Variants in PAG1 observed in about 807,000 individuals in gnomAD.
PAG1 encodes phosphoprotein associated with glycosphingolipid-enriched microdomains 1.
Under a neutral mutation model 31.7 loss-of-function variants are expected in PAG1, and 23 were observed. The ratio of observed to expected loss-of-function variants is 0.73; its 90% CI spans 0.52 to 1.03. The LOEUF (loss-of-function observed/expected upper bound fraction) is 1.03. Among genes scored for constraint, PAG1 ranks in the 50% least tolerant of loss-of-function variants. The pLI, the probability that PAG1 is intolerant of heterozygous loss-of-function variation, is 0.00. For missense variants in PAG1, 473 were observed against 540.7 expected (o/e 0.87, Z 1.24); for synonymous variants, 214 against 210.3 (o/e 1.02, Z -0.15).
chr8:81,004,100 G>A (rs1807833710), intron 3 of PAG1, among the ~76,000 whole-genome samples: 1 of 152,150 alleles, frequency 6.6e-6, no homozygotes, highest in Non-Finnish European at 1.5e-5. Context: ...TTCAAATTTA[G>A]AGTAGCCTTT....
At chr8:81,068,332 A>G (rs928847207) in intron 2 of PAG1, among the ~76,000 whole-genome samples, 3 of 152,232 alleles carry the variant, frequency 2.0e-5, no homozygotes, top group East Asian at 1.9e-4. Flanking sequence ...AAAACATCAT[A>G]AAGTCGCTAC....
intron 2 of PAG1, among the ~76,000 whole-genome samples, chr8:81,065,855 TATC>T (rs1160658270): frequency 6.7e-6 from 1 of 149,902 alleles, no homozygotes; most frequent in African/African-American, 2.5e-5. Context: ...ATCATATATA[TATC>T]ATATGTCATA....
At position 80,970,574 on chromosome 8, in the gene PAG1, T is replaced by C. The variant is rs1348565631; in HGVS notation, c.*5970A>G. ...TGAGGAGACTCAGGCCAGATACAGA[T>C]CACTGTGGGGAACACTAAGCTTACT... On this transcript the variant is annotated 3_prime_UTR_variant, in exon 9 of 9. Coordinates refer to ENST00000220597, the MANE Select transcript of PAG1 (RefSeq NM_018440.4). 6.5e-6 allele frequency: 1 copy of C among 152,678 alleles called. No individual in the cohort carries two copies. 9.5% of individuals were successfully genotyped at this position (152,678 alleles called of 1,614,324 possible). A position where few individuals can be genotyped will look rare whatever the true frequency, so the allele number is the denominator to read the frequency against.
chr8:81,025,677 G>T (rs34622409), intron 3 of PAG1, among the ~76,000 whole-genome samples: 8 of 152,102 alleles, frequency 5.3e-5, no homozygotes, highest in Admixed American at 2.6e-4. Context: ...CATGCTGCTC[G>T]GGCGTTCCTC....
At chr8:81,001,064 C>A (rs1194992597) in intron 3 of PAG1, among the ~76,000 whole-genome samples, 1 of 152,228 alleles carries the variant, frequency 6.6e-6, no homozygotes, top group Admixed American at 6.5e-5. Context: ...TTTCATCTGA[C>A]AAATCTAAGC....
At chr8:81,094,103 G>T (rs1809489865) in intron 1 of PAG1, among the ~76,000 whole-genome samples, 1 of 152,140 alleles carries the variant, frequency 6.6e-6, no homozygotes. Flanking sequence ...TGGAGCAGGG[G>T]GCCACCATAG....
chr8:81,040,154 T>C (rs972276007), intron 2 of PAG1, among the ~76,000 whole-genome samples: 2 of 152,208 alleles, frequency 1.3e-5, no homozygotes, highest in African/African-American at 2.4e-5. Flanking sequence ...TCTATGTACA[T>C]TTTTTCAGCC....
chr8:81,034,711 C>A (rs1808434145), intron 2 of PAG1, among the ~76,000 whole-genome samples: 1 of 152,166 alleles, frequency 6.6e-6, no homozygotes, highest in Admixed American at 6.5e-5. Flanking sequence ...TAGGGCCATG[C>A]AGAGCAAGTC....
intron 1 of PAG1, among the ~76,000 whole-genome samples, chr8:81,102,793 C>G (rs1809629977): frequency 1.3e-5 from 2 of 152,156 alleles, no homozygotes; most frequent in African/African-American, 4.8e-5. Flanking sequence ...TTACCGAAGA[C>G]AAATGCTTTA....
chr8:81,028,529 A>G (rs545601293), intron 3 of PAG1, among the ~76,000 whole-genome samples: 7 of 152,236 alleles, frequency 4.6e-5, no homozygotes, highest in Non-Finnish European at 1.0e-4. Flanking sequence ...TTGTTACTAC[A>G]GTACTTGGAT....
intron 3 of PAG1, among the ~76,000 whole-genome samples, chr8:80,999,039 G>C (rs931252961): frequency 5.3e-5 from 8 of 152,150 alleles, no homozygotes; most frequent in Non-Finnish European, 1.0e-4. Context: ...TGGGTTCCCT[G>C]GTCCTGTGAG....
At chr8:81,093,127 T>A (rs551800509) in intron 1 of PAG1, among the ~76,000 whole-genome samples, 1 of 152,328 alleles carries the variant, frequency 6.6e-6, no homozygotes, top group East Asian at 1.9e-4. Flanking sequence ...GCTGACAGCA[T>A]ACAGCCTTCT....
At chr8:80,984,131 G>A (rs1480051412) in intron 7 of PAG1, among the ~76,000 whole-genome samples, 1 of 152,170 alleles carries the variant, frequency 6.6e-6, no homozygotes, top group African/African-American at 2.4e-5. Flanking sequence ...AAATCCCAAA[G>A]AGATTTTAAC....
In PAG1 at chr8:80,973,996, C is replaced by T. The variant is rs576194276; in HGVS notation, c.*2548G>A. On this transcript the variant is annotated 3_prime_UTR_variant, in exon 9 of 9. Transcript: ENST00000220597. ...AAAGTACACTGAAAATACTTTATAT[C>T]ACAGCTTATTCTAACCACTGGTTCT... 93 of 152,246 alleles carry T rather than the reference C, an allele frequency of 6.1e-4. 1 individual carries two copies. The highest frequency in any genetic ancestry group is 2.1e-3 in the African/African-American group (87 of 41,520). 9.4% of individuals were successfully genotyped at this position (152,246 alleles called of 1,614,324 possible).
chr8:81,060,318 C>T (rs1047498434), intron 2 of PAG1, among the ~76,000 whole-genome samples: 13 of 152,140 alleles, frequency 8.5e-5, no homozygotes, highest in African/African-American at 2.9e-4. Context: ...TTAATTAGTA[C>T]ACCTAACTTT....
At chr8:81,047,023 T>G (rs1808653068) in intron 2 of PAG1, among the ~76,000 whole-genome samples, 1 of 152,198 alleles carries the variant, frequency 6.6e-6, no homozygotes, top group South Asian at 2.1e-4. Flanking sequence ...AAGACATGTT[T>G]TCATTCATTT....
At chr8:81,038,210 A>C (rs1055786277) in intron 2 of PAG1, among the ~76,000 whole-genome samples, 4 of 152,226 alleles carry the variant, frequency 2.6e-5, no homozygotes, top group Non-Finnish European at 5.9e-5. Context: ...TTTCCCCAGG[A>C]AGCCGAGAAA....
At position 80,976,902 on chromosome 8, in the gene PAG1, G is replaced by C. The variant is rs184005407; in HGVS notation, c.941C>G (p.Ser314Ter). The C allele has an allele frequency of 6.3e-7, 1 of 1,591,376 alleles. No individual in the cohort carries two copies. The highest frequency in any genetic ancestry group is 1.4e-5 in the African/African-American group (1 of 73,772). The change falls in exon 9 of 9, where the codon TCA becomes TGA. Residue 314 changes from serine (S) to a stop codon, truncating the protein, a stop_gained. Transcript: ENST00000220597. LOFTEE classifies it low-confidence loss of function (END_TRUNC). Reference sequence around the variant, plus strand: ...TTTATTTACTGATGAGTACATAGCTGAGATCTAGGAGACAAAGGGAGAGTT... The same window carrying C: ...TTTATTTACTGATGAGTACATAGCTCAGATCTAGGAGACAAAGGGAGAGTT... ...EDPTLTEEEI[S>*]AMYSSVNKPG...
chr8:81,050,437 G>A (rs936770682), intron 2 of PAG1, among the ~76,000 whole-genome samples: 1 of 152,076 alleles, frequency 6.6e-6, no homozygotes, highest in South Asian at 2.1e-4. Flanking sequence ...TGAGTTTTAC[G>A]CATCTAAAAT....
Sources: allele counts gnomAD v4.1 joint callset (sites outside exome capture counted in the v4.1 genomes callset), GRCh38; gene constraint gnomAD v4.1.1; transcripts MANE v1.5; gene names NCBI Gene and HGNC (gene_info 2026-07-23, HGNC 2026-07-21).